The following POTEE variants were observed in gnomAD, a reference collection of about 807,000 sequenced individuals.
POTEE encodes the protein POTE ankyrin domain family member E.
In POTEE, 21 loss-of-function variants were observed where a neutral mutation model predicts 74.2. The observed-to-expected ratio is 0.28, with a 90% CI of 0.20 to 0.41. The LOEUF is 0.41. POTEE is among the 10% of genes least tolerant of loss of function. POTEE has a pLI of 1.00. For synonymous variants in POTEE, 211 were observed against 432.8 expected, an observed-to-expected ratio of 0.49 and a Z score of 6.36; for missense variants, 525 against 1,158.6, an observed-to-expected ratio of 0.45 and a Z score of 7.94.
intron 8 of POTEE, among the ~76,000 whole-genome samples, chr2:131,230,499 C>G (rs1700919055): frequency 6.6e-6 from 1 of 152,100 alleles, no homozygotes; most frequent in Admixed American, 6.5e-5. Context: ...GACATTGAGC[C>G]TAAGAGAAGC....
chr2:131,261,571 G>A (rs1162105208), intron 16 of POTEE, among the ~76,000 whole-genome samples, 155 bp from the exon 17 acceptor site: 1 of 39,366 alleles, frequency 2.5e-5, no homozygotes, highest in African/African-American at 7.1e-5. Flanking sequence ...AGCATGGTTG[G>A]GGACACCTGG....
Position 131,218,794 on chromosome 2 carries a change from C to G in POTEE, c.392C>G (p.Pro131Arg), listed in dbSNP as rs897234904. The change falls in exon 4 of 18, where the codon CCC becomes CGC. Residue 131 changes from proline (P) to arginine (R), a missense_variant. By Grantham distance (103) the Pro-to-Arg change is moderately radical (BLOSUM62 -2). Transcript: ENST00000683005. The stretch of plus-strand genomic sequence containing the variant: ...TACGATGACAGCGCCTTCATGGAGC[C>G]CAGGTACCACGTCCGTGGAGAAGAT... ...GDYDDSAFME[P>R]RYHVRGEDLD... 12 of 1,612,556 alleles carry G rather than the reference C, an allele frequency of 7.4e-6. No homozygotes were observed. The highest frequency in any genetic ancestry group is 1.0e-5 in the Non-Finnish European group (12 of 1,179,870).
Position 131,264,974 on chromosome 2 carries a change from C to G in POTEE, c.*291C>G. 1 of 578,322 alleles carries G rather than the reference C, an allele frequency of 1.7e-6. No individual in the cohort carries two copies. The highest frequency in any genetic ancestry group is 2.0e-5 in the South Asian group (1 of 48,826). 35.8% of individuals were successfully genotyped at this position (578,322 alleles called of 1,614,324 possible). ...CGCATTGTTTCAGGAAGCCCCTTGC[C>G]CTGCTAAAAGCCATCCCACTTCTCT... is the stretch of plus-strand genomic sequence containing the variant. On this transcript the variant is annotated 3_prime_UTR_variant, in exon 18 of 18. Coordinates refer to ENST00000683005, the MANE Select transcript of POTEE (RefSeq NM_001083538.3).
At chr2:131,260,307 G>T (rs1701673017) in intron 16 of POTEE, among the ~76,000 whole-genome samples, 1 of 149,058 alleles carries the variant, frequency 6.7e-6, no homozygotes, top group South Asian at 2.1e-4. Context: ...AGGCTCTTTT[G>T]TGGTTCTACA....
chr2:131,237,754 C>T (rs59195416), intron 10 of POTEE, among the ~76,000 whole-genome samples: 7,397 of 128,254 alleles, frequency 0.058, 1 homozygote, highest in African/African-American at 0.079. Flanking sequence ...CACTTCAGTG[C>T]ACTGTAGGGG....
chr2:131,223,366 G>A (rs904603021), intron 4 of POTEE, among the ~76,000 whole-genome samples: 4 of 149,120 alleles, frequency 2.7e-5, no homozygotes, highest in Admixed American at 6.6e-5. Context: ...TCCAGCCCAC[G>A]TTGAATGTCA....
chr2:131,219,271 A>G (rs1349191118), intron 4 of POTEE, among the ~76,000 whole-genome samples: 2 of 151,622 alleles, frequency 1.3e-5, no homozygotes, highest in Non-Finnish European at 2.9e-5. Context: ...GAGAACTAAG[A>G]ACAAAGCCCC....
chr2:131,213,249 C>T (rs1700392648), intron 2 of POTEE, among the ~76,000 whole-genome samples: 1 of 152,078 alleles, frequency 6.6e-6, no homozygotes, highest in East Asian at 1.9e-4. Context: ...AGATTCACAA[C>T]CAAAAACAAG....
intron 2 of POTEE, among the ~76,000 whole-genome samples, chr2:131,212,879 C>T (rs1428316905): frequency 7.3e-5 from 11 of 151,138 alleles, no homozygotes; most frequent in Non-Finnish European, 1.2e-4. Flanking sequence ...CCACCATTTT[C>T]AAGAGTATTG....
chr2:131,243,603 C>T (rs1291878863), intron 12 of POTEE, among the ~76,000 whole-genome samples: 7 of 136,176 alleles, frequency 5.1e-5, no homozygotes, highest in South Asian at 4.6e-4. Flanking sequence ...TGACATGGGT[C>T]GGGCATGGTG....
In POTEE at chr2:131,217,690, T is replaced by G. The variant is rs1700474575; in HGVS notation, c.-94+7T>G. 2.0e-5 allele frequency among the ~76,000 whole-genome samples: 3 copies of G among 150,484 alleles called. No individual in the cohort carries two copies. The highest frequency in any genetic ancestry group is 4.4e-5 in the Non-Finnish European group (3 of 67,682). On this transcript the variant is annotated splice_region_variant and intron_variant, in intron 3 of 17. Coordinates refer to ENST00000683005, the MANE Select transcript of POTEE (RefSeq NM_001083538.3). ...GGCGCCAAGACTTAAGCAGGCGCGT[T>G]GCATGCATCGGCCAGTGTCTGTGCC...
intron 12 of POTEE, among the ~76,000 whole-genome samples, chr2:131,240,540 G>T (rs1701252016): frequency 3.0e-5 from 1 of 32,898 alleles, no homozygotes; most frequent in African/African-American, 8.4e-5. Flanking sequence ...TATTGCCAAG[G>T]GATTGTACAT....
intron 9 of POTEE, among the ~76,000 whole-genome samples, chr2:131,232,066 A>G (rs1017470400): frequency 3.3e-4 from 50 of 151,330 alleles, no homozygotes; most frequent in African/African-American, 1.2e-3. Context: ...TCCACTTAAC[A>G]TATAACTATC....
At chr2:131,211,621 C>T (rs193094570) in intron 2 of POTEE, among the ~76,000 whole-genome samples, 6,284 of 137,708 alleles carry the variant, frequency 0.046, 367 homozygotes, top group African/African-American at 0.14. Context: ...GGTGCGATCT[C>T]GGCTCACTGC....
At chr2:131,221,029 A>G (rs1700601036) in intron 4 of POTEE, among the ~76,000 whole-genome samples, 1 of 152,174 alleles carries the variant, frequency 6.6e-6, no homozygotes, top group Non-Finnish European at 1.5e-5. Context: ...GTGAGGATGA[A>G]GAACAGTGGT....
At chr2:131,248,065 A>G (rs1310613306) in intron 13 of POTEE, among the ~76,000 whole-genome samples, 2 of 144,504 alleles carry the variant, frequency 1.4e-5, no homozygotes, top group Admixed American at 7.0e-5. Flanking sequence ...TTTCCATGTC[A>G]CACATCCTTG....
In POTEE at chr2:131,263,964, C is replaced by G; in HGVS notation, c.2509C>G (p.Gln837Glu). 6.2e-7 allele frequency: 1 copy of G among 1,614,198 alleles called. No individual in the cohort carries two copies. Among genetic ancestry groups the G allele is most frequent in the East Asian group, 2.2e-5 (1 of 44,864 alleles). ...CACCCCAGCCATGTACGTGGCCATC[C>G]AGGCCGTGCCGTCCCTGTACACCTC... ...FNTPAMYVAI[Q>E]AVPSLYTSGR... The change falls in exon 18 of 18, where the codon CAG becomes GAG. Residue 837 changes from glutamine (Q) to glutamate (E), a missense_variant. Coordinates refer to ENST00000683005, the MANE Select transcript of POTEE (RefSeq NM_001083538.3).
chr2:131,229,468 G>C (rs1360121306), intron 8 of POTEE: 1 of 152,218 alleles, frequency 6.6e-6, no homozygotes, highest in Non-Finnish European at 1.5e-5. Context: ...TCTAGCTCAA[G>C]ATTTTAAGAT....
Position 131,218,612 on chromosome 2 carries a change from C to T in POTEE, c.210C>T (p.Pro70=), listed in dbSNP as rs374597817. 12 of 1,611,860 alleles carry T rather than the reference C, an allele frequency of 7.4e-6. 1 individual carries two copies. The highest frequency in any genetic ancestry group is 3.3e-5 in the Admixed American group (2 of 59,786). The part of the protein sequence containing the change: ...KMGKWCHHCF[P]CCRGSGKSNV... ...GCAAGTGGTGCCACCACTGCTTCCC[C>T]TGCTGCAGGGGGAGTGGCAAGAGCA... The change falls in exon 4 of 18, where the codon CCC becomes CCT. Residue 70 remains proline (P), a synonymous_variant. Coordinates refer to ENST00000683005, the MANE Select transcript of POTEE (RefSeq NM_001083538.3).
Sources: allele counts gnomAD v4.1 joint callset (sites outside exome capture counted in the v4.1 genomes callset), GRCh38; gene constraint gnomAD v4.1.1; transcripts MANE v1.5; gene names NCBI Gene and HGNC (gene_info 2026-07-23, HGNC 2026-07-21).